The following TRIM77 variants were observed in gnomAD, a reference collection of about 807,000 sequenced individuals.
TRIM77 encodes the protein tripartite motif-containing protein 77.
In TRIM77, 23 loss-of-function variants were observed where a neutral mutation model predicts 31.8. That is an observed-to-expected ratio of 0.72 (90% CI 0.52 to 1.02). The LOEUF is 1.02. TRIM77 is among the 50% of genes least tolerant of loss of function. The pLI is 0.00. For missense variants in TRIM77, 446 were observed against 539.2 expected (o/e 0.83, Z 1.71); for synonymous variants, 159 against 183.1 (o/e 0.87, Z 1.06).
At chr11:89,716,381 C>A (rs979060127) in intron 5 of TRIM77, among the ~76,000 whole-genome samples, 1 of 152,042 alleles carries the variant, frequency 6.6e-6, no homozygotes, top group Non-Finnish European at 1.5e-5. Context: ...TGTTGTTATT[C>A]GAATGTTTAC....
intron 5 of TRIM77, among the ~76,000 whole-genome samples, chr11:89,716,853 T>A (rs1157395826): frequency 6.6e-6 from 1 of 152,120 alleles, no homozygotes; most frequent in Non-Finnish European, 1.5e-5. Flanking sequence ...GTATGTTTTT[T>A]TATTTTGCGA....
chr11:89,717,487 C>A lies in TRIM77; in HGVS notation c.968C>A (p.Thr323Lys). The A allele has an allele frequency of 6.4e-7, 1 of 1,551,564 alleles. No individual in the cohort carries two copies. The highest frequency in any genetic ancestry group is 2.4e-5 in the East Asian group (1 of 40,912). ...LDDTDMSCNPTSTQYTSSWGA... is the reference protein window; with the variant it reads ...LDDTDMSCNPKSTQYTSSWGA... ...GATACAGACATGTCCTGTAATCCAACAAGTACACAGTATACTTCTTCATGG... is the reference window on the plus strand; with the variant it reads ...GATACAGACATGTCCTGTAATCCAAAAAGTACACAGTATACTTCTTCATGG... The change falls in exon 6 of 6, where the codon ACA (threonine) becomes AAA (lysine). Residue 323 changes from threonine to lysine, a missense_variant. By Grantham distance (78) the Thr-to-Lys change is moderately conservative. This residue lies in a region of TRIM77 where 366 missense variants were observed against 447.9 expected (regional missense o/e 0.82). Transcript: ENST00000398290.
chr11:89,713,129 G>T (rs1247773759), intron 2 of TRIM77, among the ~76,000 whole-genome samples: 1 of 151,674 alleles, frequency 6.6e-6, no homozygotes, highest in Non-Finnish European at 1.5e-5. Flanking sequence ...AAAATTAGCT[G>T]GGCATGGTGG....
chr11:89,713,042 G>C lies in TRIM77; in HGVS notation c.508-1150G>C, dbSNP rs1338077068. ...TAATCCCAGGACTTTGGGAGGCCGA[G>C]GTGGGCGGATCACGAGGTCAAGAGA... On this transcript the variant is annotated intron_variant, in intron 2 of 5. Transcript: ENST00000398290. Among the ~76,000 whole-genome samples, 3 of 152,082 alleles carry C rather than the reference G, an allele frequency of 2.0e-5. No homozygotes were observed. The East Asian group carries it at 5.8e-4, about 29-fold the overall frequency.
chr11:89,710,844 A>T, intron 1 of TRIM77, 135 bp downstream of exon 1: 1 of 752,486 alleles, frequency 1.3e-6, no homozygotes, highest in Admixed American at 3.0e-5. Context: ...TATGACCATA[A>T]ATTAGACACT....
chr11:89,715,899 T>A lies in TRIM77; in HGVS notation c.771T>A (p.Phe257Leu), dbSNP rs1388524948. Reference protein sequence around the residue: ...DLGDVMKRNEFLRLAMPQPVN... With the variant: ...DLGDVMKRNELLRLAMPQPVN... ...GTATTTTTCTTTGCAGGAATGAGTT[T>A]CTGAGGCTGGCCATGCCTCAGCCTG... Residue 257 changes from phenylalanine (F) to leucine (L), a missense_variant, in exon 5 of 6, where the codon TTT (phenylalanine) becomes TTA (leucine). Physicochemically the swap from Phe to Leu is conservative, Grantham distance 22. Around this residue, in one of 3 missense-constraint regions of TRIM77, gnomAD observed 366 missense variants for 447.9 expected, o/e 0.82. Transcript: ENST00000398290. 1 of 1,530,904 alleles carries A rather than the reference T, an allele frequency of 6.5e-7. No homozygotes were observed. Among genetic ancestry groups the A allele is most frequent in the Non-Finnish European group, 8.8e-7 (1 of 1,131,594 alleles). The allele number at this position is 1,530,904 out of a possible 1,614,324, so 94.8% of individuals were successfully genotyped here. A position where few individuals can be genotyped will look rare whatever the true frequency, so the allele number is the denominator to read the frequency against.
At chr11:89,713,622 G>A (rs1359871541) in intron 2 of TRIM77, among the ~76,000 whole-genome samples, 8 of 151,870 alleles carry the variant, frequency 5.3e-5, no homozygotes, top group Admixed American at 1.3e-4. Context: ...GAAAGAGAGA[G>A]TAGGCAAACA....
rs71052248 is a variant in TRIM77, at chr11:89,713,455, C to CAAT, written c.508-690_508-688dup. ...TGGGTGACAAACTGAGACCTTGTCT[C>CAAT]AATAATAATAATAATAATAATAATA... On this transcript the variant is annotated intron_variant, in intron 2 of 5. Coordinates refer to ENST00000398290, the MANE Select transcript of TRIM77 (RefSeq NM_001146162.1). Among the ~76,000 whole-genome samples, 892 of 122,364 alleles carry CAAT rather than the reference C, an allele frequency of 7.3e-3. 9 individuals are homozygous for CAAT. The highest frequency in any genetic ancestry group is 0.012 in the Middle Eastern group (3 of 248). 80.3% of individuals were successfully genotyped at this position (122,364 alleles called of 152,430 possible). A position where few individuals can be genotyped will look rare whatever the true frequency, so the allele number is the denominator to read the frequency against.
At position 89,710,525 on chromosome 11, in the gene TRIM77, C is replaced by G. The variant is rs1949114852; in HGVS notation, c.227C>G (p.Pro76Arg). The change falls in exon 1 of 6, where the codon CCT becomes CGT. Residue 76 changes from proline to arginine, a missense_variant. By Grantham distance (103) the Pro-to-Arg change is moderately radical. Transcript: ENST00000398290. ...ATTTTTGCTGAGAAACAAGTTATTC[C>G]TACAAGAGAATCAGTCCCCTGCCAG... ...RIIFAEKQVIPTRESVPCQLS... is the reference protein window; with the variant it reads ...RIIFAEKQVIRTRESVPCQLS... 1.3e-6 allele frequency: 2 copies of G among 1,551,462 alleles called. No individual in the cohort carries two copies. Among genetic ancestry groups the G allele is most frequent in the Non-Finnish European group, 1.7e-6 (2 of 1,146,942 alleles).
intron 3 of TRIM77, among the ~76,000 whole-genome samples, chr11:89,714,836 A>T (rs1949149103): frequency 6.6e-6 from 1 of 152,324 alleles, no homozygotes. Context: ...ACACATCCTT[A>T]TAAGAACTTT....
At chr11:89,717,348 T>A in intron 5 of TRIM77, 31 bp from the exon 6 acceptor site, 1 of 1,501,822 alleles carries the variant, frequency 6.7e-7, no homozygotes. Flanking sequence ...TTAAACTGTT[T>A]TTTTGCATTC....
chr11:89,716,385 T>A (rs576804572), intron 5 of TRIM77, among the ~76,000 whole-genome samples: 1 of 152,334 alleles, frequency 6.6e-6, no homozygotes, highest in South Asian at 2.1e-4. Flanking sequence ...GTTATTCGAA[T>A]GTTTACCTAA....
chr11:89,710,458 G>A lies in TRIM77; in HGVS notation c.160G>A (p.Val54Met). ...EDTLTPNCCP[V>M]CREISQQMYF... ...TACACTAACTCCTAATTGCTGCCCT[G>A]TGTGCAGGGAAATATCACAGCAAAT... is the stretch of plus-strand genomic sequence containing the variant. Residue 54 changes from valine (V) to methionine (M), a missense_variant, in exon 1 of 6, where the codon GTG becomes ATG. By Grantham distance (21) the Val-to-Met change is conservative (BLOSUM62 1). Around this residue, in one of 3 missense-constraint regions of TRIM77, gnomAD observed 72 missense variants for 64.7 expected, o/e 1.11. Transcript: ENST00000398290. The A allele has an allele frequency of 6.4e-7, 1 of 1,551,694 alleles. No individual in the cohort carries two copies. The highest frequency in any genetic ancestry group is 2.4e-5 in the East Asian group (1 of 40,908).
At position 89,715,198 on chromosome 11, in the gene TRIM77, T is replaced by A. The variant is rs1949151979; in HGVS notation, c.761+18T>A. On this transcript the variant is annotated intron_variant, in intron 4 of 5. Transcript: ENST00000398290. ...ATGAAAAGGTAAGTTTGCCCCTCTATCCAAGTCCTGGTAATTGTGACAATA... is the reference window on the plus strand; with the variant it reads ...ATGAAAAGGTAAGTTTGCCCCTCTAACCAAGTCCTGGTAATTGTGACAATA... The A allele has an allele frequency of 6.4e-7, 1 of 1,550,606 alleles. No individual in the cohort carries two copies. The highest frequency in any genetic ancestry group is 8.7e-7 in the Non-Finnish European group (1 of 1,146,026).
chr11:89,711,227 T>G (rs1332052969), intron 1 of TRIM77, among the ~76,000 whole-genome samples, 183 bp from the exon 2 acceptor site: 1 of 152,208 alleles, frequency 6.6e-6, no homozygotes, highest in Non-Finnish European at 1.5e-5. Flanking sequence ...TTTTCTAAAT[T>G]TGGGAATTCT....
rs1949168829 is a variant in TRIM77, at chr11:89,717,386, C to T, written c.867C>T (p.Ile289=). 3.2e-6 allele frequency: 5 copies of T among 1,546,854 alleles called. No individual in the cohort carries two copies. Among genetic ancestry groups the T allele is most frequent in the African/African-American group, 1.4e-5 (1 of 72,840 alleles). The change falls in exon 6 of 6, where the codon ATC becomes ATT. Residue 289 remains isoleucine, a synonymous_variant. Coordinates refer to ENST00000398290, the MANE Select transcript of TRIM77 (RefSeq NM_001146162.1). The stretch of plus-strand genomic sequence containing the variant: ...TGTTTTCTTTTGCCATAGTGTATAT[C>T]ACCTTGGATCGTAAGATATGCAGTA... ...SERLNFFRVY[I]TLDRKICSNH... is the part of the protein sequence containing the mutation.
intron 2 of TRIM77, among the ~76,000 whole-genome samples, chr11:89,712,421 G>A (rs1367176911): frequency 6.6e-6 from 1 of 152,068 alleles, no homozygotes; most frequent in Non-Finnish European, 1.5e-5. Flanking sequence ...ATCTAGTGGG[G>A]GAATTCAATC....
chr11:89,716,853 T>C (rs1157395826), intron 5 of TRIM77, among the ~76,000 whole-genome samples: 1 of 152,120 alleles, frequency 6.6e-6, no homozygotes, highest in Non-Finnish European at 1.5e-5. Context: ...GTATGTTTTT[T>C]TATTTTGCGA....
Position 89,710,678 on chromosome 11 carries a change from A to G in TRIM77, c.380A>G (p.Tyr127Cys), listed in dbSNP as rs201981921. 1.1e-3 allele frequency: 1,640 copies of G among 1,548,334 alleles called. 34 individuals are homozygous for G. In the South Asian group the frequency reaches 0.018, roughly 17 times the overall value. ...QSPRHATHKHYMTREADEYYR... is the reference protein window; with the variant it reads ...QSPRHATHKHCMTREADEYYR... ...CCAAGGCATGCTACTCACAAACACTATATGACAAGGGAGGCTGATGAATAC... is the reference window on the plus strand; with the variant it reads ...CCAAGGCATGCTACTCACAAACACTGTATGACAAGGGAGGCTGATGAATAC... The change falls in exon 1 of 6, where the codon TAT becomes TGT. Residue 127 changes from tyrosine to cysteine, a missense_variant. This residue lies in a region of TRIM77 where 366 missense variants were observed against 447.9 expected (regional missense o/e 0.82). Transcript: ENST00000398290.
Sources: gnomAD v4.1 joint callset for allele counts (sites outside exome capture counted in the v4.1 genomes callset) on GRCh38, gnomAD v4.1.1 for gene constraint, gnomAD v4.1.1 regional missense constraint, MANE v1.5 for transcripts, NCBI Gene and HGNC (gene_info 2026-07-23, HGNC 2026-07-21) for gene names.